Variants in CSMD1 observed in about 807,000 individuals in gnomAD.
CSMD1 encodes the protein CUB and sushi domain-containing protein 1.
In CSMD1, 213 loss-of-function variants were observed where a neutral mutation model predicts 417.5. The ratio of observed to expected loss-of-function variants is 0.51; its 90% CI spans 0.46 to 0.57. The LOEUF is 0.57. Ranked by LOEUF, CSMD1 falls within the 20% of genes least tolerant of loss-of-function variation. The pLI, the probability that CSMD1 is intolerant of heterozygous loss-of-function variation, is 0.00. For missense variants in CSMD1, 6,923 were observed against 4,529.7 expected, an observed-to-expected ratio of 1.53 and a Z score of -15.17; for synonymous variants, 2,862 against 1,736.8, an observed-to-expected ratio of 1.65 and a Z score of -16.11.
intron 5 of CSMD1, among the ~76,000 whole-genome samples, chr8:3,958,976 G>A (rs545878361): frequency 7.2e-5 from 11 of 152,234 alleles, no homozygotes; most frequent in Admixed American, 1.3e-4. Flanking sequence ...GTGAGCTCCC[G>A]GTCTGGGCCT....
chr8:3,890,355 T>G (rs1408065526), intron 5 of CSMD1, among the ~76,000 whole-genome samples: 1 of 152,124 alleles, frequency 6.6e-6, no homozygotes, highest in Non-Finnish European at 1.5e-5. Flanking sequence ...GGGCAGGGTT[T>G]ACTACTTGGT....
intron 2 of CSMD1, among the ~76,000 whole-genome samples, chr8:4,585,491 G>A (rs78414052): frequency 0.033 from 5,096 of 152,124 alleles, 156 homozygotes; most frequent in Admixed American, 0.089. Context: ...AAGAAACAAT[G>A]GAATGAAAGA....
At chr8:4,955,830 C>T (rs370791047) in intron 1 of CSMD1, among the ~76,000 whole-genome samples, 2 of 144,108 alleles carry the variant, frequency 1.4e-5, no homozygotes, top group African/African-American at 2.5e-5. Flanking sequence ...ATATTTAGGT[C>T]GTAGAAATTG....
chr8:3,540,734 G>C (rs912327674), intron 10 of CSMD1, among the ~76,000 whole-genome samples: 4 of 152,068 alleles, frequency 2.6e-5, no homozygotes, highest in South Asian at 2.1e-4. Flanking sequence ...GACATGAACA[G>C]ACACTTCTCA....
At chr8:4,923,503 TATAA>T (rs573161096) in intron 1 of CSMD1, among the ~76,000 whole-genome samples, 147 of 149,128 alleles carry the variant, frequency 9.9e-4, no homozygotes, top group South Asian at 7.4e-3. Context: ...TCTCTCTAAA[TATAA>T]ATAAACACAC....
At chr8:4,349,899 T>C (rs1800990160) in intron 3 of CSMD1, among the ~76,000 whole-genome samples, 1 of 151,616 alleles carries the variant, frequency 6.6e-6, no homozygotes, top group African/African-American at 2.4e-5. Context: ...AGCCAAAATA[T>C]ATTAGCAAAA....
chr8:3,682,176 C>T (rs999459707), intron 7 of CSMD1, among the ~76,000 whole-genome samples: 2 of 152,152 alleles, frequency 1.3e-5, no homozygotes, highest in African/African-American at 4.8e-5. Context: ...GCAACAAAAG[C>T]CAAAATTGAC....
intron 1 of CSMD1, among the ~76,000 whole-genome samples, chr8:4,916,542 A>G (rs1806078554): frequency 6.6e-6 from 1 of 152,214 alleles, no homozygotes; most frequent in Non-Finnish European, 1.5e-5. Flanking sequence ...TTAGAATGAG[A>G]AAATGCACGT....
intron 11 of CSMD1, among the ~76,000 whole-genome samples, chr8:3,479,257 T>A (rs1009842415): frequency 2.0e-5 from 3 of 152,152 alleles, no homozygotes; most frequent in Non-Finnish European, 4.4e-5. Flanking sequence ...ACAAAAGCAA[T>A]TGCAGTTTTT....
At chr8:4,262,072 T>C (rs937991645) in intron 3 of CSMD1, among the ~76,000 whole-genome samples, 19 of 152,232 alleles carry the variant, frequency 1.2e-4, no homozygotes, top group African/African-American at 4.6e-4. Flanking sequence ...CTTGATTTTT[T>C]TTAACCTCTA....
At chr8:4,290,149 A>G (rs1797280880) in intron 3 of CSMD1, among the ~76,000 whole-genome samples, 1 of 152,158 alleles carries the variant, frequency 6.6e-6, no homozygotes, top group African/African-American at 2.4e-5. Flanking sequence ...TGGTGAGGAA[A>G]TGCTTCCCAG....
chr8:4,942,439 A>G (rs921827041), intron 1 of CSMD1, among the ~76,000 whole-genome samples: 3 of 152,200 alleles, frequency 2.0e-5, no homozygotes, highest in African/African-American at 7.2e-5. Flanking sequence ...ATCATGCCCA[A>G]CCAACCATCA....
intron 5 of CSMD1, among the ~76,000 whole-genome samples, chr8:3,994,447 GAA>G (rs56184992): frequency 0.015 from 1,783 of 119,078 alleles, 41 homozygotes; most frequent in East Asian, 0.13. Context: ...AATCTCTTCA[GAA>G]AAAAAAAAAA....
chr8:4,333,724 A>G lies in CSMD1; in HGVS notation c.415+86229T>C, dbSNP rs141407590. 8.0e-4 allele frequency among the ~76,000 whole-genome samples: 122 copies of G among 152,246 alleles called. No homozygotes were observed. In the East Asian group the frequency reaches 0.012, roughly 15 times the overall value. Reference sequence around the variant, plus strand: ...AGAGTTGTAGAAAGGACTGCTTACAATGACAGATTCCAAGATCTAGTCCGC... The same window carrying G: ...AGAGTTGTAGAAAGGACTGCTTACAGTGACAGATTCCAAGATCTAGTCCGC... On this transcript the variant is annotated intron_variant, in intron 3 of 69. Coordinates refer to ENST00000635120, the MANE Select transcript of CSMD1 (RefSeq NM_033225.6).
intron 7 of CSMD1, among the ~76,000 whole-genome samples, chr8:3,668,798 T>G (rs936978462): frequency 6.6e-6 from 1 of 152,166 alleles, no homozygotes; most frequent in South Asian, 2.1e-4. Context: ...CTCATTTTGT[T>G]GCCTTAGACA....
At chr8:3,016,338 G>A (rs1013725803) in intron 52 of CSMD1, among the ~76,000 whole-genome samples, 1 of 152,064 alleles carries the variant, frequency 6.6e-6, no homozygotes, top group Non-Finnish European at 1.5e-5. Context: ...TATCATCTCT[G>A]TTCTCCTACC....
At chr8:4,038,697 C>T (rs1418091970) in intron 3 of CSMD1, among the ~76,000 whole-genome samples, 2 of 152,200 alleles carry the variant, frequency 1.3e-5, no homozygotes, top group Non-Finnish European at 2.9e-5. Flanking sequence ...CCCATAGATG[C>T]TTCAAGAAAG....
At chr8:3,616,631 A>C (rs372309183) in intron 8 of CSMD1, 79 bp downstream of exon 8, 15 of 884,022 alleles carry the variant, frequency 1.7e-5, no homozygotes, top group East Asian at 1.0e-4. Context: ...AGAACAAAAG[A>C]GTTAAATTTA....
At chr8:4,828,088 C>T (rs1037284132) in intron 1 of CSMD1, among the ~76,000 whole-genome samples, 4 of 152,022 alleles carry the variant, frequency 2.6e-5, no homozygotes, top group Non-Finnish European at 2.9e-5. Flanking sequence ...ATTCTTCAGT[C>T]TTTTTTGACA....
Sources: allele counts gnomAD v4.1 joint callset (sites outside exome capture counted in the v4.1 genomes callset), GRCh38; gene constraint gnomAD v4.1.1; transcripts MANE v1.5; gene names NCBI Gene and HGNC (gene_info 2026-07-23, HGNC 2026-07-21).